The following RIC1 variants were observed in gnomAD, a reference collection of about 807,000 sequenced individuals.
RIC1 encodes the protein guanine nucleotide exchange factor subunit RIC1.
In RIC1, 88 loss-of-function variants were observed where a neutral mutation model predicts 169.0. The ratio of observed to expected loss-of-function variants is 0.52; its 90% CI spans 0.44 to 0.62. RIC1 has a LOEUF of 0.62. RIC1 is among the 20% of genes least tolerant of loss of function. RIC1 has a pLI of 0.00. For missense variants in RIC1, 1,877 were observed against 1,725.5 expected, an observed-to-expected ratio of 1.09 and a Z score of -1.56; for synonymous variants, 790 against 601.5, an observed-to-expected ratio of 1.31 and a Z score of -4.59.
intron 1 of RIC1, among the ~76,000 whole-genome samples, chr9:5,648,196 C>G (rs1366155277): frequency 2.0e-5 from 3 of 152,140 alleles, no homozygotes; most frequent in East Asian, 1.9e-4. Context: ...GTTGTTCAGA[C>G]TGGTCTCGAG....
rs192142828 is a variant in RIC1, at chr9:5,738,647, A to G, written c.901+109A>G. 4.6e-4 allele frequency: 271 copies of G among 582,886 alleles called. 2 individuals carry two copies. The African/African-American group carries it at 4.7e-3, about 10-fold the overall frequency. 36.1% of individuals were successfully genotyped at this position (582,886 alleles called of 1,614,324 possible). ...ACAATACATGTCATGCTATAGGTCA[A>G]ATATTGGGGCTCTGGGTGTGTAAAC... On this transcript the variant is annotated intron_variant, in intron 8 of 25. Transcript: ENST00000414202.
intron 2 of RIC1, among the ~76,000 whole-genome samples, chr9:5,687,660 T>C (rs1203614254): frequency 6.6e-6 from 1 of 152,188 alleles, no homozygotes; most frequent in Non-Finnish European, 1.5e-5. Flanking sequence ...TTTTGTTCTA[T>C]TGGGATCAGG....
downstream of RIC1, among the ~76,000 whole-genome samples, chr9:5,777,910 T>C (rs543398132): frequency 3.3e-4 from 50 of 152,320 alleles, 1 homozygote; most frequent in Admixed American, 5.9e-4. Flanking sequence ...CCTAAGTTTG[T>C]TTTTTCTAGG....
chr9:5,746,837 T>C (rs1024848736), intron 11 of RIC1, among the ~76,000 whole-genome samples: 10 of 152,090 alleles, frequency 6.6e-5, no homozygotes, highest in Admixed American at 3.3e-4. Context: ...CGAACATCCA[T>C]AAAAAATGTG....
chr9:5,699,969 CTG>C (rs1404443157), intron 3 of RIC1, among the ~76,000 whole-genome samples: 1 of 151,814 alleles, frequency 6.6e-6, no homozygotes, highest in African/African-American at 2.4e-5. Context: ...ATTAAGAAAA[CTG>C]TCACACAATT....
In RIC1 at chr9:5,629,557, C is replaced by G. The variant is rs977655022; in HGVS notation, c.144+104C>G. On this transcript the variant is annotated intron_variant, in intron 1 of 25. Coordinates refer to ENST00000414202, the MANE Select transcript of RIC1 (RefSeq NM_020829.4). ...AGCCTAGGACTCCTGCCCCTTCGTG[C>G]CAGACCCACCTGCCTTCGCAGTCCG... 1.9e-5 allele frequency: 23 copies of G among 1,230,800 alleles called. No individual in the cohort carries two copies. In the African/African-American group the frequency reaches 3.6e-4, roughly 19 times the overall value. 76.2% of individuals were successfully genotyped at this position (1,230,800 alleles called of 1,614,324 possible). A position where few individuals can be genotyped will look rare whatever the true frequency, so the allele number is the denominator to read the frequency against.
chr9:5,634,656 A>G (rs547687229), intron 1 of RIC1, among the ~76,000 whole-genome samples: 2 of 152,182 alleles, frequency 1.3e-5, no homozygotes, highest in African/African-American at 2.4e-5. Flanking sequence ...ATTTTCTCCT[A>G]TTCCATAGGT....
intron 7 of RIC1, among the ~76,000 whole-genome samples, chr9:5,733,738 G>T (rs1824519170): frequency 6.6e-6 from 1 of 151,914 alleles, no homozygotes; most frequent in Admixed American, 6.5e-5. Flanking sequence ...AGAAGGAAAA[G>T]CTTTTTTTTA....
At chr9:5,715,336 AAAAG>A (rs1239174430) in intron 4 of RIC1, among the ~76,000 whole-genome samples, 1 of 152,192 alleles carries the variant, frequency 6.6e-6, no homozygotes, top group Non-Finnish European at 1.5e-5. Context: ...ATAGAATAGA[AAAAG>A]AGCCAAAAAG....
chr9:5,699,260 A>G (rs1192869639), intron 3 of RIC1, among the ~76,000 whole-genome samples: 3 of 152,098 alleles, frequency 2.0e-5, no homozygotes, highest in African/African-American at 7.2e-5. Flanking sequence ...CCACATCCCA[A>G]AGATGTACGC....
At chr9:5,654,576 G>T (rs1818979429) in intron 1 of RIC1, among the ~76,000 whole-genome samples, 1 of 151,892 alleles carries the variant, frequency 6.6e-6, no homozygotes, top group Non-Finnish European at 1.5e-5. Context: ...TTCAGTTTCT[G>T]TTGCCTAGGG....
At chr9:5,632,216 A>G (rs1817749110) in intron 1 of RIC1, among the ~76,000 whole-genome samples, 1 of 152,226 alleles carries the variant, frequency 6.6e-6, no homozygotes. Flanking sequence ...TATATTTTAA[A>G]AAGAGACAAC....
intron 21 of RIC1, among the ~76,000 whole-genome samples, chr9:5,768,588 A>AT (rs1826961951): frequency 3.3e-5 from 5 of 152,142 alleles, no homozygotes; most frequent in Admixed American, 6.5e-5. Context: ...TGAGAAATTT[A>AT]ATTTCACTTT....
chr9:5,735,433 A>C (rs1476464300), intron 7 of RIC1, among the ~76,000 whole-genome samples: 1 of 152,192 alleles, frequency 6.6e-6, no homozygotes, highest in Non-Finnish European at 1.5e-5. Flanking sequence ...ACTCCTCCCT[A>C]GGCTATGGGC....
At chr9:5,700,959 C>T (rs1206257383) in intron 3 of RIC1, among the ~76,000 whole-genome samples, 2 of 152,110 alleles carry the variant, frequency 1.3e-5, no homozygotes, top group Non-Finnish European at 2.9e-5. Flanking sequence ...TTCTTTTCCC[C>T]AGTTAGCTTA....
chr9:5,749,886 C>G (rs539246758), intron 12 of RIC1, among the ~76,000 whole-genome samples: 2 of 142,120 alleles, frequency 1.4e-5, no homozygotes, highest in South Asian at 2.2e-4. Context: ...TCAAGCGATT[C>G]TGCTGTCTCA....
intron 2 of RIC1, among the ~76,000 whole-genome samples, chr9:5,673,619 A>G (rs895413086): frequency 9.3e-5 from 14 of 149,842 alleles, no homozygotes; most frequent in South Asian, 2.1e-4. Context: ...AAAGAATAGC[A>G]AAGTAAATAA....
chr9:5,663,243 C>G (rs1049003137), intron 2 of RIC1, among the ~76,000 whole-genome samples: 14 of 152,112 alleles, frequency 9.2e-5, no homozygotes, highest in Non-Finnish European at 1.5e-5. Flanking sequence ...TGTTTTACTT[C>G]CGATTATGTG....
intron 3 of RIC1, among the ~76,000 whole-genome samples, chr9:5,705,612 G>C (rs904227360): frequency 4.0e-5 from 6 of 151,882 alleles, no homozygotes; most frequent in Admixed American, 3.3e-4. Context: ...TTCCGTTTCT[G>C]TTGGATGACT....
Sources: gnomAD v4.1 joint callset for allele counts (sites outside exome capture counted in the v4.1 genomes callset) on GRCh38, gnomAD v4.1.1 for gene constraint, MANE v1.5 for transcripts, NCBI Gene and HGNC (gene_info 2026-07-23, HGNC 2026-07-21) for gene names.